The following APP variants were observed in gnomAD, a reference collection of about 807,000 sequenced individuals.
APP encodes amyloid beta precursor protein.
A neutral mutation model predicts 101.4 loss-of-function variants in APP; 31 were observed. The observed-to-expected ratio is 0.31, with a 90% CI of 0.23 to 0.41. APP has a LOEUF of 0.41. Ranked by LOEUF, APP falls within the 10% of genes least tolerant of loss-of-function variation. The pLI is 1.00. For missense variants in APP, 839 were observed against 1,003.7 expected, an observed-to-expected ratio of 0.84 and a Z score of 2.22; for synonymous variants, 366 against 364.4, an observed-to-expected ratio of 1.00 and a Z score of -0.05.
intron 3 of APP, among the ~76,000 whole-genome samples, chr21:26,064,577 A>G (rs977069774): frequency 6.7e-6 from 1 of 150,248 alleles, no homozygotes; most frequent in African/African-American, 2.5e-5. Context: ...GGGGGCTTGC[A>G]TACAGGGTAG....
intron 3 of APP, among the ~76,000 whole-genome samples, chr21:26,075,442 T>C (rs1482471791): frequency 6.6e-6 from 1 of 152,220 alleles, no homozygotes; most frequent in Non-Finnish European, 1.5e-5. Flanking sequence ...CCTATTACCC[T>C]ACAAGTTTGC....
intron 2 of APP, among the ~76,000 whole-genome samples, chr21:26,099,490 C>A (rs552278841): frequency 2.6e-5 from 4 of 152,138 alleles, no homozygotes; most frequent in South Asian, 2.1e-4. Flanking sequence ...CAACTAAAAT[C>A]GATGCCATTT....
At chr21:26,010,820 CAAAAAAAAAAAA>C (rs58036272) in intron 6 of APP, among the ~76,000 whole-genome samples, 11 of 54,842 alleles carry the variant, frequency 2.0e-4, no homozygotes, top group South Asian at 1.2e-3. Context: ...GACTTCGTCT[CAAAAAAAAAAAA>C]AAAAAAAAAA....
chr21:26,166,058 T>C (rs2063600698), intron 1 of APP, among the ~76,000 whole-genome samples: 1 of 152,164 alleles, frequency 6.6e-6, no homozygotes, highest in Non-Finnish European at 1.5e-5. Context: ...TGCCAAACTT[T>C]TTTTTCCAAG....
intron 1 of APP, among the ~76,000 whole-genome samples, chr21:26,115,872 TAG>T (rs1568993268): frequency 6.6e-5 from 10 of 152,224 alleles, no homozygotes; most frequent in African/African-American, 2.4e-4. Flanking sequence ...AATACCTTAG[TAG>T]ATGGGAAATA....
At chr21:25,994,557 T>C (rs1041195876) in intron 8 of APP, among the ~76,000 whole-genome samples, 3 of 152,214 alleles carry the variant, frequency 2.0e-5, no homozygotes, top group Non-Finnish European at 2.9e-5. Context: ...TCTCCCTAAG[T>C]GTAATCTTTT....
At chr21:25,892,964 A>AAC (rs1555889468) in intron 16 of APP, among the ~76,000 whole-genome samples, 4 of 151,222 alleles carry the variant, frequency 2.6e-5, no homozygotes, top group East Asian at 1.9e-4. Flanking sequence ...AAAAAAAACA[A>AAC]AAAGGTTTCT....
At chr21:25,906,744 T>C (rs1484624798) in intron 14 of APP, among the ~76,000 whole-genome samples, 1 of 152,190 alleles carries the variant, frequency 6.6e-6, no homozygotes, top group Admixed American at 6.5e-5. Flanking sequence ...TGAAAGGTCA[T>C]TGTACTTTGT....
In APP at chr21:26,104,769, C is replaced by T. The variant is rs45485797; in HGVS notation, c.225+7210G>A. ...ATCATCATGTTAAGCTATGCACCAACATGTATACTGCAAAGCAATCCTTTG... is the reference window on the plus strand; with the variant it reads ...ATCATCATGTTAAGCTATGCACCAATATGTATACTGCAAAGCAATCCTTTG... On this transcript the variant is annotated intron_variant, in intron 2 of 17. Transcript: ENST00000346798. Among the ~76,000 whole-genome samples the T allele has an allele frequency of 3.7e-3, 557 of 152,252 alleles. 2 individuals carry two copies. Among genetic ancestry groups the T allele is most frequent in the East Asian group, 0.018 (94 of 5,188 alleles).
chr21:26,079,809 A>G (rs2061560623), intron 3 of APP, among the ~76,000 whole-genome samples: 1 of 152,086 alleles, frequency 6.6e-6, no homozygotes, highest in Admixed American at 6.5e-5. Flanking sequence ...CCCTATATAC[A>G]CTGTATATGG....
chr21:26,028,890 G>T (rs111727103), intron 5 of APP, among the ~76,000 whole-genome samples: 6 of 152,252 alleles, frequency 3.9e-5, no homozygotes, highest in African/African-American at 1.4e-4. Flanking sequence ...AATTGCTAAT[G>T]AATGACTATG....
At chr21:25,991,682 GCTA>G (rs2042871721) in intron 8 of APP, among the ~76,000 whole-genome samples, 1 of 152,144 alleles carries the variant, frequency 6.6e-6, no homozygotes, top group Non-Finnish European at 1.5e-5. Context: ...CCAGCTGCTG[GCTA>G]CTTTTATAAA....
intron 15 of APP, among the ~76,000 whole-genome samples, chr21:25,899,104 A>G (rs921335007): frequency 1.3e-5 from 2 of 152,094 alleles, no homozygotes; most frequent in African/African-American, 2.4e-5. Flanking sequence ...CCCACAATCA[A>G]TGTCACTCTA....
At chr21:26,119,785 GCATTTAAGTC>G (rs1264668450) in intron 1 of APP, among the ~76,000 whole-genome samples, 1 of 152,134 alleles carries the variant, frequency 6.6e-6, no homozygotes. Context: ...TAGAATTAGT[GCATTTAAGTC>G]CATGTTGCTA....
intron 1 of APP, among the ~76,000 whole-genome samples, chr21:26,152,965 A>G (rs1339048522): frequency 9.8e-5 from 15 of 152,384 alleles, no homozygotes; most frequent in Non-Finnish European, 1.5e-5. Flanking sequence ...CTCAGCCATT[A>G]CAAGGAACAA....
chr21:26,072,382 T>G (rs752941963), intron 3 of APP, among the ~76,000 whole-genome samples: 11 of 152,206 alleles, frequency 7.2e-5, no homozygotes, highest in Non-Finnish European at 1.5e-4. Context: ...TAAATTTTGG[T>G]ACAACTGTAA....
chr21:25,910,135 A>AT (rs953051443), intron 14 of APP, among the ~76,000 whole-genome samples: 1 of 151,636 alleles, frequency 6.6e-6, no homozygotes, highest in Non-Finnish European at 1.5e-5. Context: ...TTATTTATTT[A>AT]TTTTTTTTAA....
chr21:26,140,487 T>C (rs2063020315), intron 1 of APP: 2 of 675,438 alleles, frequency 3.0e-6, no homozygotes, highest in Admixed American at 4.0e-5. Context: ...ATCAATTTCC[T>C]TTTGTAGGAT....
At chr21:26,135,712 C>T (rs2062881487) in intron 1 of APP, among the ~76,000 whole-genome samples, 1 of 152,168 alleles carries the variant, frequency 6.6e-6, no homozygotes, top group Non-Finnish European at 1.5e-5. Context: ...TGTGTCCTAC[C>T]TGCCTTTCTC....
Sources: gnomAD v4.1 joint callset for allele counts (sites outside exome capture counted in the v4.1 genomes callset) on GRCh38, gnomAD v4.1.1 for gene constraint, MANE v1.5 for transcripts, NCBI Gene and HGNC (gene_info 2026-07-23, HGNC 2026-07-21) for gene names.